Variants in KLHL1 observed in about 807,000 individuals in gnomAD.
KLHL1 encodes the protein kelch-like protein 1.
A neutral mutation model predicts 77.7 loss-of-function variants in KLHL1; 47 were observed. The ratio of observed to expected loss-of-function variants is 0.60; its 90% CI spans 0.48 to 0.77. The LOEUF is 0.77. KLHL1 is among the 30% of genes least tolerant of loss of function. The pLI, the probability that KLHL1 is intolerant of heterozygous loss-of-function variation, is 0.00. For missense variants in KLHL1, 925 were observed against 910.8 expected, an observed-to-expected ratio of 1.02 and a Z score of -0.20; for synonymous variants, 360 against 325.2, an observed-to-expected ratio of 1.11 and a Z score of -1.15.
intron 6 of KLHL1, among the ~76,000 whole-genome samples, chr13:69,836,758 C>T (rs575048935): frequency 1.3e-5 from 2 of 151,994 alleles, no homozygotes; most frequent in South Asian, 4.2e-4. Flanking sequence ...TTACAGCAGA[C>T]TTCTGAAGTA....
At chr13:70,056,057 C>T (rs1886736801) in intron 1 of KLHL1, among the ~76,000 whole-genome samples, 1 of 151,836 alleles carries the variant, frequency 6.6e-6, no homozygotes, top group Admixed American at 6.6e-5. Flanking sequence ...GACAATCAAA[C>T]ATACAAAACT....
In KLHL1 at chr13:70,107,610, G is replaced by A. The variant is rs764920556; in HGVS notation, c.90C>T (p.Gly30=). 60 of 1,590,766 alleles carry A rather than the reference G, an allele frequency of 3.8e-5. No homozygotes were observed. The highest frequency in any genetic ancestry group is 4.4e-5 in the Non-Finnish European group (51 of 1,169,250). The part of the protein sequence containing the change: ...KLFSHPSPST[G]GPAGGGCLQQ... Reference sequence around the variant, plus strand: ...GCAGGCAGCCTCCCCCCGCCGGGCCGCCGGTGGAAGGAGACGGGTGGCTGA... The same window carrying A: ...GCAGGCAGCCTCCCCCCGCCGGGCCACCGGTGGAAGGAGACGGGTGGCTGA... The change falls in exon 1 of 11, where the codon GGC becomes GGT. Residue 30 remains glycine (G), a synonymous_variant. Transcript: ENST00000377844.
chr13:69,878,911 C>T (rs1206930315), intron 5 of KLHL1, among the ~76,000 whole-genome samples: 2 of 152,042 alleles, frequency 1.3e-5, no homozygotes, highest in African/African-American at 2.4e-5. Context: ...CCATGGAATA[C>T]TATGCAGCCA....
At chr13:69,741,007 TACAA>T (rs1408173421) in intron 7 of KLHL1, among the ~76,000 whole-genome samples, 1 of 152,100 alleles carries the variant, frequency 6.6e-6, no homozygotes, top group African/African-American at 2.4e-5. Context: ...CTTTGTTACT[TACAA>T]CAATGTTACC....
intron 3 of KLHL1, among the ~76,000 whole-genome samples, chr13:69,947,795 C>G (rs1032293894): frequency 6.6e-6 from 1 of 152,064 alleles, no homozygotes; most frequent in Non-Finnish European, 1.5e-5. Flanking sequence ...CTCATGCATG[C>G]TGTATTTCTC....
At chr13:69,953,763 A>C (rs888548242) in intron 3 of KLHL1, among the ~76,000 whole-genome samples, 1 of 151,210 alleles carries the variant, frequency 6.6e-6, no homozygotes, top group African/African-American at 2.4e-5. Flanking sequence ...CATATAATAA[A>C]TTGGACTCAA....
intron 6 of KLHL1, among the ~76,000 whole-genome samples, chr13:69,811,001 C>T (rs531433587): frequency 6.6e-6 from 1 of 152,098 alleles, no homozygotes; most frequent in East Asian, 1.9e-4. Context: ...ATAAAAAAAG[C>T]CCTATACCAG....
intron 5 of KLHL1, among the ~76,000 whole-genome samples, chr13:69,850,530 C>T (rs1879644375): frequency 6.6e-6 from 1 of 151,482 alleles, no homozygotes; most frequent in Non-Finnish European, 1.5e-5. Flanking sequence ...ATGAAACTGT[C>T]TACGACCCTT....
intron 5 of KLHL1, among the ~76,000 whole-genome samples, chr13:69,843,890 G>C (rs1270435113): frequency 6.6e-6 from 1 of 151,336 alleles, no homozygotes; most frequent in African/African-American, 2.4e-5. Context: ...GTGCCATGTT[G>C]GTGTGCTGCA....
At chr13:69,864,203 T>TA in intron 5 of KLHL1, among the ~76,000 whole-genome samples, 1 of 151,998 alleles carries the variant, frequency 6.6e-6, no homozygotes, top group African/African-American at 2.4e-5. Flanking sequence ...GGCATGGTCA[T>TA]AAAAAAGAGT....
chr13:69,993,257 G>A (rs532192327), intron 1 of KLHL1, among the ~76,000 whole-genome samples: 2 of 152,160 alleles, frequency 1.3e-5, no homozygotes, highest in South Asian at 4.1e-4. Context: ...GAGAGCCATA[G>A]CAGAACCACC....
intron 7 of KLHL1, among the ~76,000 whole-genome samples, chr13:69,753,982 G>A (rs1004058707): frequency 1.7e-4 from 26 of 150,402 alleles, no homozygotes; most frequent in East Asian, 7.8e-4. Flanking sequence ...GACTAGAGGC[G>A]TGTTCCACCA....
chr13:69,797,105 A>G, intron 6 of KLHL1, 143 bp from the exon 7 acceptor site: 1 of 649,990 alleles, frequency 1.5e-6, no homozygotes, highest in Admixed American at 2.9e-5. Context: ...AAACAAAAGG[A>G]GTAGTAATTC....
At chr13:69,978,170 T>C (rs1884601842) in intron 1 of KLHL1, among the ~76,000 whole-genome samples, 1 of 152,018 alleles carries the variant, frequency 6.6e-6, no homozygotes, top group Non-Finnish European at 1.5e-5. Context: ...TGTTAACGCA[T>C]TGAATAGAAA....
chr13:69,746,600 GT>G (rs1338566402), intron 7 of KLHL1, among the ~76,000 whole-genome samples: 4 of 151,550 alleles, frequency 2.6e-5, no homozygotes, highest in Middle Eastern at 3.4e-3. Flanking sequence ...TGTTTAATCA[GT>G]TTTTTTTCTC....
intron 7 of KLHL1, among the ~76,000 whole-genome samples, chr13:69,793,154 A>G (rs1207929808): frequency 6.6e-6 from 1 of 152,076 alleles, no homozygotes; most frequent in Non-Finnish European, 1.5e-5. Flanking sequence ...TGCTTTACCA[A>G]TTTCTCCTAA....
At chr13:69,855,890 A>G (rs1024964687) in intron 5 of KLHL1, among the ~76,000 whole-genome samples, 3 of 145,254 alleles carry the variant, frequency 2.1e-5, no homozygotes, top group Non-Finnish European at 4.5e-5. Flanking sequence ...GTTATATAAT[A>G]TACATGTTTT....
chr13:69,818,219 C>CTTT (rs1316398623), intron 6 of KLHL1, among the ~76,000 whole-genome samples: 24 of 112,878 alleles, frequency 2.1e-4, no homozygotes, highest in Middle Eastern at 4.3e-3. Context: ...TCATAGGCAT[C>CTTT]TTTTTTTTTT....
intron 1 of KLHL1, among the ~76,000 whole-genome samples, chr13:70,029,579 G>A (rs1384294389): frequency 6.6e-6 from 1 of 152,122 alleles, no homozygotes; most frequent in Non-Finnish European, 1.5e-5. Flanking sequence ...CACCAGGCCT[G>A]CCCTAAAAGA....
Sources: allele counts gnomAD v4.1 joint callset (sites outside exome capture counted in the v4.1 genomes callset), GRCh38; gene constraint gnomAD v4.1.1; transcripts MANE v1.5; gene names NCBI Gene and HGNC (gene_info 2026-07-23, HGNC 2026-07-21).